MAMDC2: variants seen among roughly 807,000 people sequenced by gnomAD.
MAMDC2 encodes the protein MAM domain-containing protein 2.
In MAMDC2, 57 loss-of-function variants were observed where a neutral mutation model predicts 89.8. That is an observed-to-expected ratio of 0.63 (90% CI 0.51 to 0.79). The LOEUF (loss-of-function observed/expected upper bound fraction) is 0.79, where lower values mean the gene tolerates loss of function less well. Ranked by LOEUF, MAMDC2 falls within the 30% of genes least tolerant of loss-of-function variation. The pLI is 0.00. For synonymous variants in MAMDC2, 313 were observed against 293.4 expected, an observed-to-expected ratio of 1.07 and a Z score of -0.68; for missense variants, 800 against 820.6, an observed-to-expected ratio of 0.97 and a Z score of 0.31.
chr9:70,099,624 G>C (rs2997695), intron 2 of MAMDC2, among the ~76,000 whole-genome samples: 9,743 of 152,202 alleles, frequency 0.064, 990 homozygotes, highest in African/African-American at 0.21. Flanking sequence ...AGGGAGAATA[G>C]ATCCAGTCAC....
At chr9:70,221,142 T>C (rs1301259609) in intron 12 of MAMDC2, among the ~76,000 whole-genome samples, 2 of 151,246 alleles carry the variant, frequency 1.3e-5, no homozygotes, top group Admixed American at 6.6e-5. Context: ...ATGAATGTAA[T>C]ATATAAAGTT....
intron 2 of MAMDC2, among the ~76,000 whole-genome samples, chr9:70,076,625 C>G (rs1340873857): frequency 6.6e-6 from 1 of 152,152 alleles, no homozygotes; most frequent in East Asian, 1.9e-4. Context: ...CAGTCCTAGA[C>G]TGGATTGTTT....
At chr9:70,198,935 A>G (rs1362511707) in intron 11 of MAMDC2, among the ~76,000 whole-genome samples, 5 of 152,162 alleles carry the variant, frequency 3.3e-5, no homozygotes, top group Non-Finnish European at 7.4e-5. Context: ...GAATTTTCAT[A>G]GTTGATATTC....
intron 2 of MAMDC2, among the ~76,000 whole-genome samples, chr9:70,071,301 T>G (rs1827402673): frequency 6.6e-6 from 1 of 152,226 alleles, no homozygotes; most frequent in South Asian, 2.1e-4. Context: ...ATTCCCTGAT[T>G]GAAGAGTCTG....
chr9:70,106,734 T>C (rs1426617435), intron 2 of MAMDC2, among the ~76,000 whole-genome samples: 5 of 152,226 alleles, frequency 3.3e-5, no homozygotes, highest in Non-Finnish European at 4.4e-5. Flanking sequence ...GCAATTGCTA[T>C]CTGCACCCAG....
At chr9:70,206,701 A>C (rs1018548424) in intron 11 of MAMDC2, among the ~76,000 whole-genome samples, 2 of 152,090 alleles carry the variant, frequency 1.3e-5, no homozygotes, top group African/African-American at 2.4e-5. Context: ...ACATATGTAT[A>C]CATGTGCCAT....
At chr9:70,107,312 C>A (rs1366316339) in intron 2 of MAMDC2, among the ~76,000 whole-genome samples, 3 of 150,912 alleles carry the variant, frequency 2.0e-5, no homozygotes, top group African/African-American at 4.9e-5. Context: ...AAGCACTTGT[C>A]GATATTAGGA....
intron 9 of MAMDC2, among the ~76,000 whole-genome samples, chr9:70,166,475 C>G (rs1794887647): frequency 6.6e-6 from 1 of 151,756 alleles, no homozygotes; most frequent in Non-Finnish European, 1.5e-5. Flanking sequence ...TTTAGATGAA[C>G]TAGATATTAT....
At chr9:70,076,724 C>T (rs992006245) in intron 2 of MAMDC2, among the ~76,000 whole-genome samples, 1 of 152,178 alleles carries the variant, frequency 6.6e-6, no homozygotes, top group Non-Finnish European at 1.5e-5. Context: ...GAATTTGGAT[C>T]ACTTGCTTGT....
intron 11 of MAMDC2, among the ~76,000 whole-genome samples, chr9:70,195,663 T>G (rs928681885): frequency 1.3e-5 from 2 of 152,094 alleles, no homozygotes; most frequent in Non-Finnish European, 2.9e-5. Context: ...CTATGCTCTC[T>G]GACCATGAGT....
chr9:70,109,914 C>T, intron 4 of MAMDC2, 110 bp downstream of exon 4: 1 of 811,238 alleles, frequency 1.2e-6, no homozygotes, highest in South Asian at 1.5e-5. Flanking sequence ...ATAGAATGCA[C>T]TGCATAATGC....
intron 5 of MAMDC2, among the ~76,000 whole-genome samples, chr9:70,117,329 A>T (rs906291706): frequency 6.6e-6 from 1 of 152,238 alleles, no homozygotes. Flanking sequence ...TTGCAGGGAC[A>T]TGGATGAAAC....
chr9:70,044,361 G>T (rs980469264), intron 1 of MAMDC2, 130 bp downstream of exon 1: 1 of 1,079,970 alleles, frequency 9.3e-7, no homozygotes, highest in Admixed American at 2.3e-5. Flanking sequence ...CTCCGCAGCC[G>T]CTAACTCCCT....
rs1165431064 is a variant in MAMDC2, at chr9:70,218,445, A to G, written c.1760A>G (p.Tyr587Cys). The G allele has an allele frequency of 2.5e-6, 4 of 1,613,948 alleles. No homozygotes were observed. Among genetic ancestry groups the G allele is most frequent in the Admixed American group, 3.3e-5 (2 of 59,994 alleles). Residue 587 changes from tyrosine (Y) to cysteine (C), a missense_variant, in exon 12 of 14, where the codon TAC becomes TGC. Coordinates refer to ENST00000377182, the MANE Select transcript of MAMDC2 (RefSeq NM_153267.5). ...GGAAAACACTGCTTGACCTTTTTCT[A>G]CCACATGTATGGAGGGGGCACTGGC... ...VSGKHCLTFFYHMYGGGTGLL... is the reference protein window; with the variant it reads ...VSGKHCLTFFCHMYGGGTGLL...
At chr9:70,124,135 T>C (rs2118330882) in intron 5 of MAMDC2, among the ~76,000 whole-genome samples, 1 of 152,244 alleles carries the variant, frequency 6.6e-6, no homozygotes, top group Non-Finnish European at 1.5e-5. Flanking sequence ...TCAGGGAGGC[T>C]GGAGAACATG....
chr9:70,096,798 G>C (rs1395644250), intron 2 of MAMDC2, among the ~76,000 whole-genome samples: 1 of 152,020 alleles, frequency 6.6e-6, no homozygotes, highest in African/African-American at 2.4e-5. Context: ...AGATAGAGGA[G>C]TAGCAGATAG....
chr9:70,218,785 C>T (rs2033498484), intron 12 of MAMDC2, among the ~76,000 whole-genome samples, 189 bp downstream of exon 12: 1 of 152,148 alleles, frequency 6.6e-6, no homozygotes, highest in South Asian at 2.1e-4. Flanking sequence ...GGAGAGAAAG[C>T]TTTGAGAATT....
chr9:70,114,352 G>A (rs905571293), intron 5 of MAMDC2, among the ~76,000 whole-genome samples: 1 of 150,158 alleles, frequency 6.7e-6, no homozygotes, highest in South Asian at 2.1e-4. Flanking sequence ...TGTAAGCCCG[G>A]GTTGCCAGAT....
At chr9:70,108,013 A>AACATGGTC (rs1828386460) in intron 2 of MAMDC2, among the ~76,000 whole-genome samples, 198 bp from the exon 3 acceptor site, 1 of 152,226 alleles carries the variant, frequency 6.6e-6, no homozygotes, top group Non-Finnish European at 1.5e-5. Context: ...GCCTGTTGTC[A>AACATGGTC]TCATCTGGTA....
Sources: allele counts gnomAD v4.1 joint callset (sites outside exome capture counted in the v4.1 genomes callset), GRCh38; gene constraint gnomAD v4.1.1; transcripts MANE v1.5; gene names NCBI Gene and HGNC (gene_info 2026-07-23, HGNC 2026-07-21).